Variants in PCYT1A observed in about 807,000 individuals in gnomAD.
PCYT1A encodes choline-phosphate cytidylyltransferase A.
Under a neutral mutation model 43.7 loss-of-function variants are expected in PCYT1A, and 25 were observed. The ratio of observed to expected loss-of-function variants is 0.57; its 90% CI spans 0.42 to 0.80. The LOEUF (loss-of-function observed/expected upper bound fraction) is 0.80, where lower values mean the gene tolerates loss of function less well. Ranked by LOEUF, PCYT1A falls within the 30% of genes least tolerant of loss-of-function variation. The probability of loss-of-function intolerance (pLI) is 0.00; values close to 1 mark genes in which losing one functional copy is unlikely to be tolerated. For missense variants in PCYT1A, 421 were observed against 474.2 expected, an observed-to-expected ratio of 0.89 and a Z score of 1.04; for synonymous variants, 172 against 170.7, an observed-to-expected ratio of 1.01 and a Z score of -0.06.
rs1352431319 is a variant in PCYT1A, at chr3:196,242,534, C to G, written c.565+28G>C. 3.4e-6 allele frequency: 5 copies of G among 1,471,090 alleles called. No individual in the cohort carries two copies. In the South Asian group the frequency reaches 4.5e-5, roughly 13 times the overall value. The allele number at this position is 1,471,090 out of a possible 1,614,324, so 91.1% of individuals were successfully genotyped here. On this transcript the variant is annotated intron_variant, in intron 6 of 8. Coordinates refer to ENST00000431016, the MANE Select transcript of PCYT1A (RefSeq NM_001312673.2). The surrounding 1 kb of genome is among the most constrained non-coding windows in gnomAD (Gnocchi z 4.2). ...ACATCTGCAGCTGCCCTGAGATCCCCTACAGTGAGGAAGCACAGCTCACTC... is the reference window on the plus strand; with the variant it reads ...ACATCTGCAGCTGCCCTGAGATCCCGTACAGTGAGGAAGCACAGCTCACTC...
intron 3 of PCYT1A, among the ~76,000 whole-genome samples, chr3:196,255,965 T>C (rs537235336): frequency 6.6e-6 from 1 of 152,188 alleles, no homozygotes; most frequent in African/African-American, 2.4e-5. Context: ...ACACAATCCA[T>C]AGTCTCTGGT....
intron 3 of PCYT1A, among the ~76,000 whole-genome samples, chr3:196,255,060 G>A (rs1200443418): frequency 6.6e-6 from 1 of 152,164 alleles, no homozygotes; most frequent in Non-Finnish European, 1.5e-5. Flanking sequence ...CTGGGGAGCA[G>A]GAGGGAGGTG....
rs1725111769 is a variant in PCYT1A at position 196,261,620 on chromosome 3, T to C, written c.118-3733A>G. Among the ~76,000 whole-genome samples the C allele has an allele frequency of 2.0e-5, 3 of 151,988 alleles. No individual in the cohort carries two copies. In the South Asian group the frequency reaches 6.2e-4, roughly 32 times the overall value. On this transcript the variant is annotated intron_variant, in intron 2 of 8. Coordinates refer to ENST00000431016, the MANE Select transcript of PCYT1A (RefSeq NM_001312673.2). ...GCCTGGCCAGCATGGTAAAATCCCA[T>C]CTCTACTAAAAATACAAAACTTAGC...
intron 1 of PCYT1A, among the ~76,000 whole-genome samples, chr3:196,276,993 G>T (rs1247039914): frequency 6.6e-6 from 1 of 151,796 alleles, no homozygotes; most frequent in Non-Finnish European, 1.5e-5. Context: ...ACTTTGAGAG[G>T]CCAAGGCAGG....
At chr3:196,248,143 G>T in intron 4 of PCYT1A, 64 bp downstream of exon 4, 1 of 907,752 alleles carries the variant, frequency 1.1e-6, no homozygotes. Flanking sequence ...ACTCAGCTGA[G>T]AAAGACAGAC....
intron 2 of PCYT1A, among the ~76,000 whole-genome samples, chr3:196,259,705 C>T (rs559612545): frequency 2.6e-5 from 4 of 151,192 alleles, no homozygotes; most frequent in East Asian, 2.0e-4. Context: ...ATTAGCTGGG[C>T]GTGGTGACAC....
chr3:196,266,029 G>A (rs1306047840), intron 2 of PCYT1A, among the ~76,000 whole-genome samples: 1 of 150,520 alleles, frequency 6.6e-6, no homozygotes, highest in East Asian at 2.1e-4. Context: ...GTGAGCCACT[G>A]TGCCTGGCCT....
At position 196,237,774 on chromosome 3, in the gene PCYT1A, G is replaced by C. The variant is rs551879216; in HGVS notation, c.*914C>G. 1 of 152,306 alleles carries C rather than the reference G, an allele frequency of 6.6e-6. No individual in the cohort carries two copies. The highest frequency in any genetic ancestry group is 2.4e-5 in the African/African-American group (1 of 41,574). 9.4% of individuals were successfully genotyped at this position (152,306 alleles called of 1,614,324 possible). On this transcript the variant is annotated 3_prime_UTR_variant, in exon 9 of 9. Transcript: ENST00000431016. The stretch of plus-strand genomic sequence containing the variant: ...TATTAATAGCATTCAAATAGGAGTA[G>C]CAGGGCCAGGCACTTACTCCCAGTA...
chr3:196,255,656 C>T (rs1399816071), intron 3 of PCYT1A, among the ~76,000 whole-genome samples: 3 of 152,018 alleles, frequency 2.0e-5, no homozygotes, highest in Non-Finnish European at 2.9e-5. Flanking sequence ...ATCACACCAC[C>T]GCACTCCAGC....
At chr3:196,254,878 C>T (rs1577362810) in intron 3 of PCYT1A, among the ~76,000 whole-genome samples, 1 of 152,218 alleles carries the variant, frequency 6.6e-6, no homozygotes, top group African/African-American at 2.4e-5. Flanking sequence ...CTAACATTTC[C>T]ATTGCCCTTC....
chr3:196,261,568 C>G (rs1273297205), intron 2 of PCYT1A, among the ~76,000 whole-genome samples: 1 of 151,956 alleles, frequency 6.6e-6, no homozygotes, highest in Non-Finnish European at 1.5e-5. Context: ...GGCGGGTAGA[C>G]CACCTTAGGT....
rs761654720 is a variant in PCYT1A, at chr3:196,247,623, C to A, written c.335-105G>T. ...TCCCACTGCTTAGGACTGCAACCAT[C>A]TTCCCCAACTGGAAAAAAGTCTTCT... is the stretch of plus-strand genomic sequence containing the variant. On this transcript the variant is annotated intron_variant, in intron 4 of 8. Transcript: ENST00000431016. This position sits in a 1 kb window ranked among gnomAD's most constrained non-coding sequence, Gnocchi z 4.8. The A allele has an allele frequency of 6.2e-6, 7 of 1,124,704 alleles. No homozygotes were observed. Among genetic ancestry groups the A allele is most frequent in the Non-Finnish European group, 9.4e-6 (7 of 745,466 alleles). The allele number at this position is 1,124,704 out of a possible 1,614,324, so 69.7% of individuals were successfully genotyped here.
chr3:196,247,451 G>A lies in PCYT1A; in HGVS notation c.402C>T (p.Asp134=), dbSNP rs893176878. ...CCACGTAGCGGCAGTGCTGGACTGC[G>A]TCATAGCGCTCATTCTCGTTCATCA... ...FTVMNENERY[D]AVQHCRYVDE... Residue 134 remains aspartate, a synonymous_variant, in exon 5 of 9, where the codon GAC becomes GAT. Transcript: ENST00000431016. This position sits in a 1 kb window ranked among gnomAD's most constrained non-coding sequence, Gnocchi z 4.8. 19 of 1,613,902 alleles carry A rather than the reference G, an allele frequency of 1.2e-5. No homozygotes were observed. Among genetic ancestry groups the A allele is most frequent in the Middle Eastern group, 1.6e-4 (1 of 6,084 alleles).
Position 196,266,561 on chromosome 3 carries a change from GATATA to G in PCYT1A, c.117+3849_117+3853del, listed in dbSNP as rs1197079616. Reference sequence around the variant, plus strand: ...AATGAATAACTAAAAAGTAGTATGTGATATATGATGGAATGTTATTTGTCAATAAA... The same window carrying G: ...AATGAATAACTAAAAAGTAGTATGTGTGATGGAATGTTATTTGTCAATAAA... On this transcript the variant is annotated intron_variant, in intron 2 of 8. Coordinates refer to ENST00000431016, the MANE Select transcript of PCYT1A (RefSeq NM_001312673.2). 7.9e-5 allele frequency among the ~76,000 whole-genome samples: 12 copies of G among 151,906 alleles called. No homozygotes were observed. In the East Asian group the frequency reaches 2.1e-3, roughly 27 times the overall value.
At chr3:196,248,064 A>G (rs1415441771) in intron 4 of PCYT1A, 143 bp downstream of exon 4, 1 of 660,774 alleles carries the variant, frequency 1.5e-6, no homozygotes, top group Non-Finnish European at 2.7e-6. Flanking sequence ...GCTGGTACCC[A>G]TATACTTCAT....
intron 1 of PCYT1A, among the ~76,000 whole-genome samples, chr3:196,272,698 C>G (rs771597051): frequency 3.9e-5 from 6 of 152,188 alleles, no homozygotes; most frequent in African/African-American, 7.2e-5. Context: ...CAGTTTCCAG[C>G]TATTAAAACC....
Position 196,238,769 on chromosome 3 carries a change from C to G in PCYT1A, c.1023G>C (p.Lys341Asn). Reference protein sequence around the residue: ...SPSFRWPFSGKTSPPCSPANL... With the variant: ...SPSFRWPFSGNTSPPCSPANL... ...TTGCTGGGGAGCAAGGTGGGGAAGT[C>G]TTGCCGGAGAAGGGCCATCGGAAAG... is the stretch of plus-strand genomic sequence containing the variant. The change falls in exon 9 of 9, where the codon AAG (lysine) becomes AAC (asparagine). Residue 341 changes from lysine to asparagine, a missense_variant. Physicochemically the swap from Lys to Asn is moderately conservative, Grantham distance 94. Coordinates refer to ENST00000431016, the MANE Select transcript of PCYT1A (RefSeq NM_001312673.2). 1 of 1,590,282 alleles carries G rather than the reference C, an allele frequency of 6.3e-7. No homozygotes were observed.
Position 196,236,347 on chromosome 3 carries a change from A to C in PCYT1A, c.*2341T>G, listed in dbSNP as rs372117049. ...CACACCACACCAGGGAGAATAAGTT[A>C]GACAGAAACAGGCAGCATTCCCAAA... On this transcript the variant is annotated 3_prime_UTR_variant, in exon 9 of 9. Coordinates refer to ENST00000431016, the MANE Select transcript of PCYT1A (RefSeq NM_001312673.2). 6.6e-6 allele frequency: 1 copy of C among 152,334 alleles called. No individual in the cohort carries two copies. Among genetic ancestry groups the C allele is most frequent in the Non-Finnish European group, 1.5e-5 (1 of 68,108 alleles). The allele number at this position is 152,334 out of a possible 1,614,324, so 9.4% of individuals were successfully genotyped here.
rs884534 is a variant in PCYT1A, at chr3:196,237,427, A to G, written c.*1261T>C. 0.8 allele frequency: 122,466 copies of G among 152,264 alleles called. 49,902 individuals are homozygous for G. The highest frequency in any genetic ancestry group is 0.98 in the East Asian group (5,059 of 5,176). 9.4% of individuals were successfully genotyped at this position (152,264 alleles called of 1,614,324 possible). ...AACCACAACCACCAGGCGTGTGTGA[A>G]AAGTGGGGAGAAAACCTACCACACT... On this transcript the variant is annotated 3_prime_UTR_variant, in exon 9 of 9. Transcript: ENST00000431016.
Sources: allele counts gnomAD v4.1 joint callset (sites outside exome capture counted in the v4.1 genomes callset), GRCh38; gene constraint gnomAD v4.1.1; non-coding constraint Gnocchi (gnomAD v3.1); transcripts MANE v1.5; gene names NCBI Gene and HGNC (gene_info 2026-07-23, HGNC 2026-07-21).